Variants in DYM observed in about 807,000 individuals in gnomAD.
DYM encodes dyggve-Melchior-Clausen syndrome protein.
In DYM, 78 loss-of-function variants were observed where a neutral mutation model predicts 93.1. The ratio of observed to expected loss-of-function variants is 0.84; its 90% CI spans 0.70 to 1.01. DYM has a LOEUF of 1.01. Ranked by LOEUF, DYM falls within the 50% of genes least tolerant of loss-of-function variation. The probability of loss-of-function intolerance (pLI) is 0.00; values close to 1 mark genes in which losing one functional copy is unlikely to be tolerated. For missense variants in DYM, 789 were observed against 845.0 expected, an observed-to-expected ratio of 0.93 and a Z score of 0.82; for synonymous variants, 321 against 319.7, an observed-to-expected ratio of 1.00 and a Z score of -0.04.
intron 17 of DYM, among the ~76,000 whole-genome samples, chr18:49,077,928 C>T (rs566230200): frequency 1.4e-4 from 21 of 152,230 alleles, no homozygotes; most frequent in African/African-American, 4.3e-4. Context: ...GTGTTTGGTC[C>T]ATTAACATTC....
intron 17 of DYM, among the ~76,000 whole-genome samples, chr18:49,096,752 C>G (rs2079582418): frequency 6.6e-6 from 1 of 152,180 alleles, no homozygotes; most frequent in Non-Finnish European, 1.5e-5. Flanking sequence ...TCTTCAAATA[C>G]AGCACTTCCC....
At chr18:49,053,351 C>T (rs77292215) in intron 17 of DYM, among the ~76,000 whole-genome samples, 2 of 152,150 alleles carry the variant, frequency 1.3e-5, no homozygotes, top group African/African-American at 2.4e-5. Flanking sequence ...AGTTGAATGG[C>T]GTTTTCCCCC....
At chr18:49,435,684 G>C (rs2080793098) in intron 1 of DYM, among the ~76,000 whole-genome samples, 1 of 152,064 alleles carries the variant, frequency 6.6e-6, no homozygotes, top group Non-Finnish European at 1.5e-5. Context: ...AGCTACTCAG[G>C]AGATTGACGC....
In DYM at chr18:49,252,781, A is replaced by G. The variant is rs543642854; in HGVS notation, c.1460+4229T>C. Among the ~76,000 whole-genome samples, 4 of 152,366 alleles carry G rather than the reference A, an allele frequency of 2.6e-5. No individual in the cohort carries two copies. In the South Asian group the frequency reaches 8.3e-4, roughly 32 times the overall value. Reference sequence around the variant, plus strand: ...AGGGACATGAGAGACAATAAGGGACAGTCTTAAGGGCTGGAAGTAAATGGT... The same window carrying G: ...AGGGACATGAGAGACAATAAGGGACGGTCTTAAGGGCTGGAAGTAAATGGT... On this transcript the variant is annotated intron_variant, in intron 13 of 17. Coordinates refer to ENST00000675505, the MANE Select transcript of DYM (RefSeq NM_001353214.3).
intron 13 of DYM, among the ~76,000 whole-genome samples, chr18:49,238,539 C>T (rs761306496): frequency 7.2e-5 from 11 of 151,810 alleles, no homozygotes; most frequent in Non-Finnish European, 1.6e-4. Flanking sequence ...TGTATTAGTT[C>T]CCCTAAGCCT....
intron 5 of DYM, among the ~76,000 whole-genome samples, chr18:49,376,226 T>C (rs530277389): frequency 7.2e-5 from 11 of 152,284 alleles, no homozygotes; most frequent in African/African-American, 2.6e-4. Context: ...GTAGAACATA[T>C]GATTTCCCTT....
intron 2 of DYM, among the ~76,000 whole-genome samples, chr18:49,409,067 C>T (rs1051056032): frequency 1.3e-5 from 2 of 152,002 alleles, no homozygotes; most frequent in African/African-American, 2.4e-5. Flanking sequence ...GGTGGATCAC[C>T]TGAGGTCAGG....
chr18:49,258,815 CACACACAGAG>C (rs1568119865), intron 11 of DYM, among the ~76,000 whole-genome samples: 14 of 108,698 alleles, frequency 1.3e-4, no homozygotes, highest in African/African-American at 4.7e-4. Context: ...CACACACACA[CACACACAGAG>C]ACACACACAC....
intron 10 of DYM, among the ~76,000 whole-genome samples, chr18:49,273,475 A>G (rs1056604523): frequency 4.6e-5 from 7 of 152,200 alleles, no homozygotes; most frequent in Non-Finnish European, 4.4e-5. Flanking sequence ...AATATGCCAC[A>G]TAACATTTCC....
At chr18:49,296,891 A>G (rs1300032619) in intron 8 of DYM, among the ~76,000 whole-genome samples, 4 of 152,194 alleles carry the variant, frequency 2.6e-5, no homozygotes, top group Non-Finnish European at 5.9e-5. Context: ...GATTATACTT[A>G]TGTGTATTAT....
chr18:49,350,267 A>G (rs1189182136), intron 6 of DYM, among the ~76,000 whole-genome samples: 2 of 152,220 alleles, frequency 1.3e-5, no homozygotes, highest in South Asian at 2.1e-4. Flanking sequence ...TTCATAAGAT[A>G]CTGATTAAAT....
chr18:49,440,341 G>A (rs945118493), intron 1 of DYM, among the ~76,000 whole-genome samples: 15 of 129,388 alleles, frequency 1.2e-4, no homozygotes, highest in Non-Finnish European at 2.2e-4. Flanking sequence ...TATTATATAT[G>A]ATATATAATA....
At chr18:49,053,903 T>C (rs1046559324) in intron 17 of DYM, among the ~76,000 whole-genome samples, 1 of 152,126 alleles carries the variant, frequency 6.6e-6, no homozygotes, top group Non-Finnish European at 1.5e-5. Context: ...GTGCGTCAGT[T>C]AGCGGGAGGA....
rs952199055 is a variant in DYM, at chr18:49,037,893, T to C, written c.*6162A>G. Among the ~76,000 whole-genome samples the C allele has an allele frequency of 1.3e-5, 2 of 152,228 alleles. No individual in the cohort carries two copies. Among genetic ancestry groups the C allele is most frequent in the Non-Finnish European group, 1.5e-5 (1 of 68,032 alleles). On this transcript the variant is annotated 3_prime_UTR_variant, in exon 18 of 18. Coordinates refer to ENST00000675505, the MANE Select transcript of DYM (RefSeq NM_001353214.3). ...AAGCTGGAGTGCAGTAGTGCAATTA[T>C]AGCTCACTGCAGCCTCGACCTCCTG... is the stretch of plus-strand genomic sequence containing the variant.
intron 15 of DYM, among the ~76,000 whole-genome samples, chr18:49,138,455 C>A (rs965540739): frequency 1.3e-5 from 2 of 152,162 alleles, no homozygotes; most frequent in Admixed American, 6.5e-5. Context: ...CTCCTAGGGG[C>A]CTTGATAACA....
At chr18:49,207,390 G>A (rs2092569048) in intron 14 of DYM, among the ~76,000 whole-genome samples, 2 of 152,194 alleles carry the variant, frequency 1.3e-5, no homozygotes, top group South Asian at 2.1e-4. Flanking sequence ...CAGATACGTG[G>A]TAACAAAGAA....
chr18:49,230,154 A>G (rs2093653746), intron 13 of DYM, among the ~76,000 whole-genome samples: 1 of 152,196 alleles, frequency 6.6e-6, no homozygotes, highest in Admixed American at 6.5e-5. Context: ...GTGTTTGTCA[A>G]CTCAAAGAAC....
intron 14 of DYM, among the ~76,000 whole-genome samples, chr18:49,175,165 AT>A (rs1297142178): frequency 6.6e-6 from 1 of 152,150 alleles, no homozygotes; most frequent in Non-Finnish European, 1.5e-5. Flanking sequence ...ATTTTTCCAA[AT>A]GCCAAGTTCA....
chr18:49,215,902 G>T (rs987752520), intron 13 of DYM, among the ~76,000 whole-genome samples: 1 of 152,222 alleles, frequency 6.6e-6, no homozygotes, highest in Admixed American at 6.5e-5. Flanking sequence ...AGTGGGTGCA[G>T]GACAGTGGGT....
Sources: gnomAD v4.1 joint callset for allele counts (sites outside exome capture counted in the v4.1 genomes callset) on GRCh38, gnomAD v4.1.1 for gene constraint, MANE v1.5 for transcripts, NCBI Gene and HGNC (gene_info 2026-07-23, HGNC 2026-07-21) for gene names.